The following TTC27 variants were observed in gnomAD, a reference collection of about 807,000 sequenced individuals.
TTC27 encodes the protein tetratricopeptide repeat domain 27, also known as tetratricopeptide repeat protein 27.
In TTC27, 79 loss-of-function variants were observed where a neutral mutation model predicts 115.9. That is an observed-to-expected ratio of 0.68 (90% CI 0.57 to 0.82). The LOEUF is 0.82. TTC27 is among the 40% of genes least tolerant of loss of function. The probability of loss-of-function intolerance (pLI) is 0.00; values close to 1 mark genes in which losing one functional copy is unlikely to be tolerated. For synonymous variants in TTC27, 401 were observed against 356.0 expected, an observed-to-expected ratio of 1.13 and a Z score of -1.42; for missense variants, 1,054 against 993.1, an observed-to-expected ratio of 1.06 and a Z score of -0.82.
chr2:32,802,275 A>G (rs1357466360), intron 16 of TTC27, among the ~76,000 whole-genome samples: 2 of 152,174 alleles, frequency 1.3e-5, no homozygotes, highest in African/African-American at 2.4e-5. Flanking sequence ...CACTAAATGC[A>G]TTTATTTAGT....
intron 8 of TTC27, among the ~76,000 whole-genome samples, chr2:32,677,681 C>T (rs538186210): frequency 2.6e-4 from 40 of 151,950 alleles, no homozygotes; most frequent in Non-Finnish European, 4.7e-4. Flanking sequence ...GATCTCTTGA[C>T]CTCATGATTC....
chr2:32,689,186 C>T (rs1284206821), intron 9 of TTC27, among the ~76,000 whole-genome samples: 5 of 152,038 alleles, frequency 3.3e-5, no homozygotes, highest in Non-Finnish European at 7.4e-5. Context: ...AGATTGATTA[C>T]AAAATGTTGC....
chr2:32,714,468 C>T (rs760321788), intron 10 of TTC27, among the ~76,000 whole-genome samples: 11 of 152,074 alleles, frequency 7.2e-5, no homozygotes, highest in Non-Finnish European at 1.5e-4. Flanking sequence ...AGGCCTACCC[C>T]ATTTTCTTTA....
intron 12 of TTC27, among the ~76,000 whole-genome samples, chr2:32,743,579 C>A (rs1339216307): frequency 6.6e-6 from 1 of 152,128 alleles, no homozygotes. Context: ...TTGCACATAC[C>A]TGAAATTCTC....
intron 12 of TTC27, among the ~76,000 whole-genome samples, chr2:32,754,355 C>T (rs1199980455): frequency 6.7e-6 from 1 of 148,992 alleles, no homozygotes; most frequent in Non-Finnish European, 1.5e-5. Flanking sequence ...TCTTAACGAG[C>T]ATGCTGCCTT....
chr2:32,686,255 T>C (rs1025516691), intron 9 of TTC27, among the ~76,000 whole-genome samples: 1 of 152,168 alleles, frequency 6.6e-6, no homozygotes. Flanking sequence ...TCTTGTAAAA[T>C]TGAGCTTCAA....
intron 12 of TTC27, among the ~76,000 whole-genome samples, chr2:32,741,747 T>G (rs1328098609): frequency 6.6e-6 from 1 of 152,194 alleles, no homozygotes; most frequent in East Asian, 1.9e-4. Context: ...TCAATCATAT[T>G]TGCTGCATGA....
intron 14 of TTC27, among the ~76,000 whole-genome samples, chr2:32,781,413 C>T (rs1670173722): frequency 6.6e-6 from 1 of 151,734 alleles, no homozygotes; most frequent in African/African-American, 2.4e-5. Context: ...TTTCCTGCTT[C>T]TTCCCATGTC....
At chr2:32,745,145 T>C (rs1668778106) in intron 12 of TTC27, among the ~76,000 whole-genome samples, 1 of 150,506 alleles carries the variant, frequency 6.6e-6, no homozygotes, top group African/African-American at 2.4e-5. Flanking sequence ...TGCAACACAA[T>C]TTTTTAGTAA....
rs1238258313 is a variant in TTC27, at chr2:32,648,126, C to G, written c.538-2005C>G. ...TGGAAGAGAGATTTTCACTCTTCAC[C>G]GTATATACTTTTTTTTTTGAGACGG... is the stretch of plus-strand genomic sequence containing the variant. On this transcript the variant is annotated intron_variant, in intron 4 of 19. Transcript: ENST00000317907. Among the ~76,000 whole-genome samples, 8 of 151,984 alleles carry G rather than the reference C, an allele frequency of 5.3e-5. No homozygotes were observed. The South Asian group carries it at 6.2e-4, about 12-fold the overall frequency.
intron 12 of TTC27, among the ~76,000 whole-genome samples, chr2:32,745,310 C>T (rs1485067303): frequency 6.6e-6 from 1 of 152,134 alleles, no homozygotes; most frequent in Non-Finnish European, 1.5e-5. Context: ...TTTTAGCTCT[C>T]TCCCTGAGGC....
At position 32,798,713 on chromosome 2, in the gene TTC27, A is replaced by AAAAAAATAAT. The variant is rs1368512271; in HGVS notation, c.1998+11566_1998+11567insAAAATAATAA. Among the ~76,000 whole-genome samples, 241 of 142,326 alleles carry AAAAAAATAAT rather than the reference A, an allele frequency of 1.7e-3. 2 individuals carry two copies. The highest frequency in any genetic ancestry group is 6.1e-3 in the African/African-American group (223 of 36,852). 93.4% of individuals were successfully genotyped at this position (142,326 alleles called of 152,430 possible). A position where few individuals can be genotyped will look rare whatever the true frequency, so the allele number is the denominator to read the frequency against. ...GAGCGAGACTCCAGCTCAAAAAAAA[A>AAAAAAATAAT]AATAATAATAATAATAATAATAATA... On this transcript the variant is annotated intron_variant, in intron 16 of 19. Coordinates refer to ENST00000317907, the MANE Select transcript of TTC27 (RefSeq NM_017735.5).
chr2:32,778,058 C>A, intron 14 of TTC27, 78 bp downstream of exon 14: 2 of 1,361,062 alleles, frequency 1.5e-6, no homozygotes, highest in Non-Finnish European at 1.0e-6. Context: ...TGGTTCAGAA[C>A]AGCAATTCCT....
chr2:32,749,798 G>A (rs113845197), intron 12 of TTC27, among the ~76,000 whole-genome samples: 2,707 of 152,130 alleles, frequency 0.018, 52 homozygotes, highest in Middle Eastern at 0.041. Flanking sequence ...ATACTACTTG[G>A]AATTATTGTA....
intron 12 of TTC27, among the ~76,000 whole-genome samples, chr2:32,739,960 G>A (rs1159090087): frequency 6.6e-6 from 1 of 152,134 alleles, no homozygotes; most frequent in Non-Finnish European, 1.5e-5. Flanking sequence ...ATTGTGTTCT[G>A]GTGCTCATGT....
intron 8 of TTC27, among the ~76,000 whole-genome samples, chr2:32,675,297 A>G (rs191275836): frequency 3.9e-4 from 60 of 152,350 alleles, no homozygotes; most frequent in Middle Eastern, 3.4e-3. Context: ...TGGCAAGTTC[A>G]TAATTGTCAT....
chr2:32,815,553 G>C (rs1671475256), intron 18 of TTC27, among the ~76,000 whole-genome samples: 1 of 152,032 alleles, frequency 6.6e-6, no homozygotes, highest in Non-Finnish European at 1.5e-5. Context: ...TCTCCCTCTA[G>C]CTGTCTGTCT....
At chr2:32,664,928 G>A (rs1665713032) in intron 6 of TTC27, among the ~76,000 whole-genome samples, 1 of 151,880 alleles carries the variant, frequency 6.6e-6, no homozygotes, top group Non-Finnish European at 1.5e-5. Flanking sequence ...GGCCTCCTGG[G>A]TTCAAGCAAT....
rs757115532 is a variant in TTC27, at chr2:32,777,891, T to C, written c.1690T>C (p.Trp564Arg). ...CTTTTGGTCTTTGCAGCTCGGGGTGTGGTTTTCTCTCGGTTGTGCCTATTT... is the reference window on the plus strand; with the variant it reads ...CTTTTGGTCTTTGCAGCTCGGGGTGCGGTTTTCTCTCGGTTGTGCCTATTT... ...VKINPMQLGV[W>R]FSLGCAYLAL... is the part of the protein sequence containing the mutation. Residue 564 changes from tryptophan (W) to arginine (R), a missense_variant, in exon 14 of 20, where the codon TGG becomes CGG. Coordinates refer to ENST00000317907, the MANE Select transcript of TTC27 (RefSeq NM_017735.5). 9.9e-6 allele frequency: 16 copies of C among 1,614,158 alleles called. No individual in the cohort carries two copies. Among genetic ancestry groups the C allele is most frequent in the Non-Finnish European group, 1.2e-5 (14 of 1,180,020 alleles).
Sources: gnomAD v4.1 joint callset for allele counts (sites outside exome capture counted in the v4.1 genomes callset) on GRCh38, gnomAD v4.1.1 for gene constraint, MANE v1.5 for transcripts, NCBI Gene and HGNC (gene_info 2026-07-23, HGNC 2026-07-21) for gene names.